The following ZNG1B variants were observed in gnomAD, a reference collection of about 807,000 sequenced individuals.
ZNG1B encodes zinc-regulated GTPase metalloprotein activator 1B.
the ZNG1B span, among the ~76,000 whole-genome samples, chr2:113,442,030 T>G: frequency 4.6e-5 from 7 of 152,176 alleles, no homozygotes; most frequent in African/African-American, 1.7e-4. Flanking sequence ...TGAGGCACCA[T>G]GCCTGGCCAA....
At chr2:113,462,771 T>C in the ZNG1B span, 2 of 497,630 alleles carry the variant, frequency 4.0e-6, no homozygotes, top group Non-Finnish European at 7.0e-6. Flanking sequence ...TTTGACTCTT[T>C]CCTAATGTCA....
At chr2:113,490,647 A>G in the ZNG1B span, among the ~76,000 whole-genome samples, 1 of 152,192 alleles carries the variant, frequency 6.6e-6, no homozygotes, top group Non-Finnish European at 1.5e-5. Context: ...GAAACGGGAG[A>G]TATTACAACT....
At chr2:113,462,613 G>A in the ZNG1B span, 21 of 1,126,324 alleles carry the variant, frequency 1.9e-5, no homozygotes, top group South Asian at 9.5e-5. Flanking sequence ...CTTCAAGAAC[G>A]TTAGGGAATC....
the ZNG1B span, among the ~76,000 whole-genome samples, chr2:113,477,943 C>T: frequency 9.9e-5 from 15 of 152,216 alleles, no homozygotes; most frequent in African/African-American, 3.6e-4. Flanking sequence ...TGGTTTATTT[C>T]ACGTAGCATA....
At chr2:113,443,682 A>T in the ZNG1B span, 1 of 1,353,990 alleles carries the variant, frequency 7.4e-7, no homozygotes, top group Non-Finnish European at 1.0e-6. Flanking sequence ...CTGCTTTAAG[A>T]TCTCCATTAT....
chr2:113,440,768 A>G, the ZNG1B span, among the ~76,000 whole-genome samples: 1 of 145,732 alleles, frequency 6.9e-6, no homozygotes, highest in Admixed American at 7.0e-5. Flanking sequence ...CAATTGAACT[A>G]CAATACTATG....
the ZNG1B span, among the ~76,000 whole-genome samples, chr2:113,486,723 T>C: frequency 6.6e-6 from 1 of 152,102 alleles, no homozygotes; most frequent in Non-Finnish European, 1.5e-5. Context: ...GCCACTCTAC[T>C]CCAGCCTGGG....
the ZNG1B span, among the ~76,000 whole-genome samples, chr2:113,487,663 G>A: frequency 1.3e-5 from 2 of 151,020 alleles, no homozygotes; most frequent in African/African-American, 4.9e-5. Flanking sequence ...ATTTCACTTA[G>A]TGTAATGTCC....
the ZNG1B span, among the ~76,000 whole-genome samples, chr2:113,473,459 C>T: frequency 1.3e-5 from 2 of 149,736 alleles, no homozygotes; most frequent in East Asian, 2.0e-4. Context: ...TCCTCTTTTC[C>T]TAATTGAATA....
chr2:113,476,944 G>A, the ZNG1B span, among the ~76,000 whole-genome samples: 1 of 152,232 alleles, frequency 6.6e-6, no homozygotes, highest in East Asian at 1.9e-4. Flanking sequence ...GGACACTTAA[G>A]TCTGCAGAGG....
chr2:113,484,984 A>T, the ZNG1B span, among the ~76,000 whole-genome samples: 1 of 151,416 alleles, frequency 6.6e-6, no homozygotes, highest in South Asian at 2.1e-4. Flanking sequence ...TTTTACATAT[A>T]TTTGTACCTA....
the ZNG1B span, among the ~76,000 whole-genome samples, chr2:113,486,765 T>G: frequency 6.6e-6 from 1 of 152,194 alleles, no homozygotes; most frequent in African/African-American, 2.4e-5. Flanking sequence ...CAAAAAAATT[T>G]ATTAAGTTAA....
the ZNG1B span, among the ~76,000 whole-genome samples, chr2:113,450,255 C>G: frequency 7.0e-6 from 1 of 142,044 alleles, no homozygotes; most frequent in Admixed American, 7.2e-5. Flanking sequence ...TTATTAGATC[C>G]TCTACTTCAT....
At chr2:113,467,186 C>G in the ZNG1B span, among the ~76,000 whole-genome samples, 1 of 148,082 alleles carries the variant, frequency 6.8e-6, no homozygotes, top group South Asian at 2.1e-4. Flanking sequence ...TTGTAGCTGA[C>G]AAGTACTGAC....
chr2:113,437,981 T>G, the ZNG1B span: 2 of 1,611,988 alleles, frequency 1.2e-6, no homozygotes, highest in Non-Finnish European at 8.5e-7. Flanking sequence ...AAGTCTGGCC[T>G]CGGCGCCAAG....
At chr2:113,452,133 CCT>C in the ZNG1B span, among the ~76,000 whole-genome samples, 3 of 152,148 alleles carry the variant, frequency 2.0e-5, no homozygotes, top group Admixed American at 2.0e-4. Context: ...TGATTCAGCC[CCT>C]GTTACTCACA....
the ZNG1B span, among the ~76,000 whole-genome samples, chr2:113,472,631 A>T: frequency 6.6e-6 from 1 of 152,090 alleles, no homozygotes; most frequent in Admixed American, 6.6e-5. Context: ...TGAACGTTTA[A>T]GTCTTTAATC....
chr2:113,461,991 T>C, the ZNG1B span, among the ~76,000 whole-genome samples: 1 of 152,048 alleles, frequency 6.6e-6, no homozygotes, highest in Non-Finnish European at 1.5e-5. Context: ...AATATTACAG[T>C]ATTTTAGTAG....
chr2:113,440,077 G>A, the ZNG1B span, among the ~76,000 whole-genome samples: 1 of 150,538 alleles, frequency 6.6e-6, no homozygotes, highest in Admixed American at 6.6e-5. Context: ...GTAGAGACGG[G>A]GTTTCACCGT....
Sources: allele counts gnomAD v4.1 joint callset (sites outside exome capture counted in the v4.1 genomes callset), GRCh38; gene constraint gnomAD v4.1.1; transcripts MANE v1.5; gene names NCBI Gene and HGNC (gene_info 2026-07-23, HGNC 2026-07-21).